The following RBFOX1 variants were observed in gnomAD, a reference collection of about 807,000 sequenced individuals.
RBFOX1 encodes the protein RNA binding fox-1 homolog 1, also known as RNA binding protein fox-1 homolog 1.
Under a neutral mutation model 57.7 loss-of-function variants are expected in RBFOX1, and 8 were observed. The observed-to-expected ratio is 0.14, with a 90% CI of 0.08 to 0.25. RBFOX1 has a LOEUF of 0.25. Among genes scored for constraint, RBFOX1 ranks in the 10% least tolerant of loss-of-function variants. The pLI is 1.00. For synonymous variants in RBFOX1, 326 were observed against 222.4 expected, an observed-to-expected ratio of 1.47 and a Z score of -4.15; for missense variants, 611 against 548.5, an observed-to-expected ratio of 1.11 and a Z score of -1.14.
At position 6,155,210 on chromosome 16, in the gene RBFOX1, A is replaced by C. The variant is rs947358208; in HGVS notation, c.-127+135218A>C. ...CCCATTGACTGCTTTGGACATTACA[A>C]TCTGCCATCTCTTCCTCTGGGGCAT... is the stretch of plus-strand genomic sequence containing the variant. On this transcript the variant is annotated intron_variant, in intron 1 of 15. Coordinates refer to ENST00000550418, the MANE Select transcript of RBFOX1 (RefSeq NM_018723.4). 3.3e-5 allele frequency among the ~76,000 whole-genome samples: 5 copies of C among 152,336 alleles called. 1 individual carries two copies. In the South Asian group the frequency reaches 1.0e-3, roughly 32 times the overall value.
intron 2 of RBFOX1, among the ~76,000 whole-genome samples, chr16:5,539,370 A>G (rs1448346832): frequency 6.6e-6 from 1 of 151,700 alleles, no homozygotes; most frequent in Non-Finnish European, 1.5e-5. Flanking sequence ...AGGCGGGTGG[A>G]TCACTTGAGG....
chr16:6,296,306 T>C (rs1347775899), intron 1 of RBFOX1, among the ~76,000 whole-genome samples: 2 of 152,198 alleles, frequency 1.3e-5, no homozygotes, highest in East Asian at 3.8e-4. Flanking sequence ...CTGGCTTTAT[T>C]ACTAAAAAGC....
intron 2 of RBFOX1, among the ~76,000 whole-genome samples, chr16:6,544,210 TG>T (rs1474446376): frequency 1.3e-5 from 2 of 152,186 alleles, no homozygotes; most frequent in African/African-American, 4.8e-5. Context: ...ATTCACTTTA[TG>T]GTACTTGGAC....
chr16:6,324,031 C>A (rs1208997850), intron 2 of RBFOX1, among the ~76,000 whole-genome samples: 1 of 152,282 alleles, frequency 6.6e-6, no homozygotes, highest in South Asian at 2.1e-4. Flanking sequence ...CCTCAGCCTC[C>A]CAAAGTGCTG....
At chr16:6,841,132 G>T (rs1192575207) in intron 3 of RBFOX1, among the ~76,000 whole-genome samples, 2 of 151,250 alleles carry the variant, frequency 1.3e-5, no homozygotes, top group African/African-American at 4.9e-5. Flanking sequence ...TAAGTTCCTT[G>T]TACACTCTGG....
rs1256264535 is a variant in RBFOX1, at chr16:6,500,890, T to TGTTTG, written c.-63-153713_-63-153712insGTTTG. Among the ~76,000 whole-genome samples the TGTTTG allele has an allele frequency of 1.5e-3, 214 of 138,474 alleles. 1 individual carries two copies. The highest frequency in any genetic ancestry group is 9.4e-3 in the South Asian group (38 of 4,034). The allele number at this position is 138,474 out of a possible 152,430, so 90.8% of individuals were successfully genotyped here. A position where few individuals can be genotyped will look rare whatever the true frequency, so the allele number is the denominator to read the frequency against. On this transcript the variant is annotated intron_variant, in intron 2 of 15. Coordinates refer to ENST00000550418, the MANE Select transcript of RBFOX1 (RefSeq NM_018723.4). ...CTTGGGGAGTAGTTTTTTTTTTTTT[T>TGTTTG]TTTTTTTTTTTAATGCTGAGACATC...
chr16:7,538,361 A>G (rs966119440), intron 5 of RBFOX1, among the ~76,000 whole-genome samples: 3 of 152,098 alleles, frequency 2.0e-5, no homozygotes, highest in Admixed American at 6.5e-5. Context: ...TACTTTTCCT[A>G]TGGTGTCCAC....
At chr16:6,701,672 T>C (rs1382520391) in intron 3 of RBFOX1, among the ~76,000 whole-genome samples, 2 of 152,078 alleles carry the variant, frequency 1.3e-5, no homozygotes, top group East Asian at 1.9e-4. Flanking sequence ...CCCAGCACTA[T>C]TCATAATAGC....
chr16:6,535,050 G>A (rs1052334504), intron 2 of RBFOX1, among the ~76,000 whole-genome samples: 4 of 152,168 alleles, frequency 2.6e-5, no homozygotes, highest in Non-Finnish European at 4.4e-5. Context: ...ATTGGATTCC[G>A]CATCCTGCAG....
intron 3 of RBFOX1, among the ~76,000 whole-genome samples, chr16:6,772,425 CGT>C (rs138817907): frequency 0.17 from 25,477 of 146,608 alleles, 2,783 homozygotes; most frequent in East Asian, 0.35. Context: ...TGCGCACGTG[CGT>C]GTGTGTGTGT....
At chr16:5,272,391 C>T (rs1342392434) in intron 1 of RBFOX1, among the ~76,000 whole-genome samples, 1 of 152,172 alleles carries the variant, frequency 6.6e-6, no homozygotes, top group East Asian at 1.9e-4. Flanking sequence ...TTCAAAGCCC[C>T]ATTTGGCATT....
At chr16:6,555,207 C>G (rs532430683) in intron 2 of RBFOX1, among the ~76,000 whole-genome samples, 33 of 152,280 alleles carry the variant, frequency 2.2e-4, no homozygotes, top group African/African-American at 7.7e-4. Context: ...AGAGAATGTT[C>G]CCTGCATTCC....
intron 4 of RBFOX1, among the ~76,000 whole-genome samples, chr16:7,092,235 C>T (rs115712598): frequency 0.017 from 2,583 of 152,180 alleles, 33 homozygotes; most frequent in African/African-American, 0.031. Flanking sequence ...GTTTGTTTCT[C>T]TTGTTTGTTT....
intron 3 of RBFOX1, among the ~76,000 whole-genome samples, chr16:6,756,123 T>C (rs536724783): frequency 3.9e-4 from 60 of 152,308 alleles, no homozygotes; most frequent in African/African-American, 1.3e-3. Context: ...TAGAAACCTT[T>C]AAAAATCTTC....
intron 1 of RBFOX1, among the ~76,000 whole-genome samples, chr16:6,196,065 A>T (rs140517364): frequency 3.3e-5 from 5 of 152,384 alleles, no homozygotes; most frequent in African/African-American, 9.6e-5. Context: ...TACCATACAC[A>T]GTATGCTTAC....
intron 2 of RBFOX1, among the ~76,000 whole-genome samples, chr16:6,475,732 T>C (rs1237061961): frequency 1.3e-5 from 2 of 152,184 alleles, no homozygotes; most frequent in Non-Finnish European, 2.9e-5. Flanking sequence ...TGCTATGTAA[T>C]TTTATTTTTT....
intron 14 of RBFOX1, among the ~76,000 whole-genome samples, chr16:7,679,331 T>G (rs1597907957): frequency 6.6e-6 from 1 of 152,234 alleles, no homozygotes; most frequent in East Asian, 1.9e-4. Flanking sequence ...GTGTAACCAA[T>G]TATTTTTATA....
chr16:6,916,838 A>G (rs901831218), intron 3 of RBFOX1, among the ~76,000 whole-genome samples: 13 of 151,258 alleles, frequency 8.6e-5, no homozygotes, highest in Admixed American at 2.0e-4. Context: ...TTGTTTTTTT[A>G]TTTGTTTGTT....
chr16:5,746,661 T>C (rs992250996), intron 3 of RBFOX1, among the ~76,000 whole-genome samples: 4 of 152,192 alleles, frequency 2.6e-5, no homozygotes, highest in Non-Finnish European at 5.9e-5. Flanking sequence ...TCACATCCCT[T>C]GTAAGTTGGA....
Sources: allele counts gnomAD v4.1 joint callset (sites outside exome capture counted in the v4.1 genomes callset), GRCh38; gene constraint gnomAD v4.1.1; transcripts MANE v1.5; gene names NCBI Gene and HGNC (gene_info 2026-07-23, HGNC 2026-07-21).